HIPK3: variants seen among roughly 807,000 people sequenced by gnomAD.
The protein encoded by HIPK3 is homeodomain-interacting protein kinase 3.
Under a neutral mutation model 124.2 loss-of-function variants are expected in HIPK3, and 47 were observed. The observed-to-expected ratio is 0.38, with a 90% confidence interval of 0.30 to 0.48. HIPK3 has a LOEUF of 0.48. Among genes scored for constraint, HIPK3 ranks in the 20% least tolerant of loss-of-function variants. HIPK3 has a pLI of 0.98. For missense variants in HIPK3, 1,286 were observed against 1,454.3 expected (o/e 0.88, Z 1.88); for synonymous variants, 482 against 515.2 (o/e 0.94, Z 0.87).
intron 1 of HIPK3, chr11:33,258,479 G>A: frequency 1.0e-6 from 1 of 985,362 alleles, no homozygotes; most frequent in Non-Finnish European, 1.2e-6. Context: ...GCGTGTGTGT[G>A]ATTGTTGGGG....
Position 33,280,260 on chromosome 11 carries a change from G to T in HIPK3, c.-2-6153G>T, listed in dbSNP as rs76473870. ...TAATACAGCTGCAGAGGACAACACAGTATACATTGCAATGAAAAATAGGAA... is the reference window on the plus strand; with the variant it reads ...TAATACAGCTGCAGAGGACAACACATTATACATTGCAATGAAAAATAGGAA... On this transcript the variant is annotated intron_variant, in intron 1 of 16. Transcript: ENST00000303296. Among the ~76,000 whole-genome samples, 369 of 152,264 alleles carry T rather than the reference G, an allele frequency of 2.4e-3. 1 individual carries two copies. Among genetic ancestry groups the T allele is most frequent in the African/African-American group, 8.3e-3 (346 of 41,558 alleles).
At chr11:33,302,044 T>A (rs1464671237) in intron 2 of HIPK3, among the ~76,000 whole-genome samples, 1 of 152,116 alleles carries the variant, frequency 6.6e-6, no homozygotes, top group Non-Finnish European at 1.5e-5. Flanking sequence ...TACTACTACT[T>A]TACCATGTAC....
In HIPK3 at chr11:33,278,774, G is replaced by A. The variant is rs1851335148; in HGVS notation, c.-2-7639G>A. Among the ~76,000 whole-genome samples, 3 of 152,062 alleles carry A rather than the reference G, an allele frequency of 2.0e-5. No individual in the cohort carries two copies. In the South Asian group the frequency reaches 6.2e-4, roughly 32 times the overall value. On this transcript the variant is annotated intron_variant, in intron 1 of 16. Transcript: ENST00000303296. ...CAGGAGAATGGCGTGAACCCGGGAG[G>A]TGGAGCTTGCAGTGAGCAGAGATCG...
intron 1 of HIPK3, among the ~76,000 whole-genome samples, chr11:33,260,510 T>C (rs1459593107): frequency 6.6e-6 from 1 of 152,218 alleles, no homozygotes; most frequent in Non-Finnish European, 1.5e-5. Context: ...GTACGACTTA[T>C]CCTGGTAACT....
chr11:33,303,355 T>C (rs762102146), intron 2 of HIPK3, among the ~76,000 whole-genome samples: 12 of 152,334 alleles, frequency 7.9e-5, no homozygotes, highest in African/African-American at 2.6e-4. Context: ...TGTACAGATA[T>C]GATCGTCTGT....
chr11:33,351,783 G>T lies in HIPK3; in HGVS notation c.2983G>T (p.Val995Leu). The T allele has an allele frequency of 3.1e-6, 5 of 1,614,174 alleles. No homozygotes were observed. The highest frequency in any genetic ancestry group is 3.4e-6 in the Non-Finnish European group (4 of 1,180,012). The change falls in exon 15 of 17, where the codon GTG becomes TTG. Residue 995 changes from valine (V) to leucine (L), a missense_variant. Physicochemically the swap from Val to Leu is conservative, Grantham distance 32. Transcript: ENST00000303296. ...AACCAAGCCAGCTGTCTGTTCTGTT[G>T]TGGTGCCACCAGTGGAACTAGAAAA... Reference protein sequence around the residue: ...TETKPAVCSVVVPPVELENGL... With the variant: ...TETKPAVCSVLVPPVELENGL...
chr11:33,283,372 AG>A (rs1851463607), intron 1 of HIPK3, among the ~76,000 whole-genome samples: 1 of 152,178 alleles, frequency 6.6e-6, no homozygotes, highest in Admixed American at 6.5e-5. Flanking sequence ...GGCCTGCCAA[AG>A]TGCTGGGATT....
chr11:33,257,342 C>T (rs1850691739), upstream of HIPK3: 2 of 984,262 alleles, frequency 2.0e-6, no homozygotes, highest in South Asian at 4.7e-5. Context: ...GTGGCCGAGG[C>T]CGACGAGCGC....
At chr11:33,341,423 G>A (rs1283708126) in intron 7 of HIPK3, 140 bp from the exon 8 acceptor site, 21 of 925,964 alleles carry the variant, frequency 2.3e-5, no homozygotes, top group East Asian at 1.1e-4. Flanking sequence ...TTTTAATTTC[G>A]GCAGCTTGTT....
chr11:33,292,488 G>C (rs1851723865), intron 2 of HIPK3, among the ~76,000 whole-genome samples: 1 of 152,118 alleles, frequency 6.6e-6, no homozygotes, highest in South Asian at 2.1e-4. Context: ...GGCAGGGAAG[G>C]CTTCTAGGGG....
Position 33,287,364 on chromosome 11 carries a change from G to A in HIPK3, c.950G>A (p.Gly317Asp), listed in dbSNP as rs766949315. 1.9e-6 allele frequency: 3 copies of A among 1,614,030 alleles called. No homozygotes were observed. The highest frequency in any genetic ancestry group is 1.7e-5 in the Admixed American group (1 of 59,984). Residue 317 changes from glycine to aspartate, a missense_variant, in exon 2 of 17, where the codon GGT (glycine) becomes GAT (aspartate). By Grantham distance (94) the Gly-to-Asp change is moderately conservative (BLOSUM62 -1). Transcript: ENST00000303296. Reference sequence around the variant, plus strand: ...GCACTGAAAAAATTGAAAAGTCTTGGTTTAATTCATGCTGATCTCAAGCCA... The same window carrying A: ...GCACTGAAAAAATTGAAAAGTCTTGATTTAATTCATGCTGATCTCAAGCCA... ...ATALKKLKSL[G>D]LIHADLKPEN... is the part of the protein sequence containing the mutation.
At chr11:33,317,274 A>AT (rs3028961) in intron 2 of HIPK3, among the ~76,000 whole-genome samples, 3,100 of 102,132 alleles carry the variant, frequency 0.03, 157 homozygotes, top group African/African-American at 0.032. Flanking sequence ...GCCTGGCCCT[A>AT]TTTTTTTTTT....
chr11:33,259,139 G>A (rs574440651), intron 1 of HIPK3, among the ~76,000 whole-genome samples: 1 of 152,292 alleles, frequency 6.6e-6, no homozygotes, highest in South Asian at 2.1e-4. Flanking sequence ...TGAAGTGGGA[G>A]TACTTATATT....
chr11:33,325,637 T>A (rs191220715), intron 2 of HIPK3, among the ~76,000 whole-genome samples: 33 of 152,348 alleles, frequency 2.2e-4, no homozygotes, highest in African/African-American at 7.0e-4. Flanking sequence ...CAGACCGTAC[T>A]CTGATACTTT....
chr11:33,352,389 C>CA, intron 16 of HIPK3, 124 bp downstream of exon 16: 1 of 995,932 alleles, frequency 1.0e-6, no homozygotes, highest in South Asian at 1.6e-5. Flanking sequence ...CTCATTATCC[C>CA]AAGTGGCTAA....
intron 2 of HIPK3, among the ~76,000 whole-genome samples, chr11:33,322,124 C>T (rs559255730): frequency 0.01 from 1,576 of 152,194 alleles, 8 homozygotes; most frequent in Non-Finnish European, 0.015. Context: ...CTCAGCCTCC[C>T]GAGTAGCTGG....
In HIPK3 at chr11:33,341,031, T is replaced by C. The variant is rs777032747; in HGVS notation, c.1677T>C (p.Asn559=). 2 of 1,609,174 alleles carry C rather than the reference T, an allele frequency of 1.2e-6. No homozygotes were observed. Among genetic ancestry groups the C allele is most frequent in the Admixed American group, 3.3e-5 (2 of 59,894 alleles). Reference sequence around the variant, plus strand: ...CCCACCTAAATTCATGTGACACAAATAATCACAACAAAACTTCACTTTTAA... The same window carrying C: ...CCCACCTAAATTCATGTGACACAAACAATCACAACAAAACTTCACTTTTAA... ...CKSHLNSCDT[N]NHNKTSLLRP... is the part of the protein sequence containing the mutation. The change falls in exon 7 of 17, where the codon AAT becomes AAC. Residue 559 remains asparagine, a synonymous_variant. Coordinates refer to ENST00000303296, the MANE Select transcript of HIPK3 (RefSeq NM_005734.5).
chr11:33,274,757 A>G (rs545872024), intron 1 of HIPK3, among the ~76,000 whole-genome samples: 1 of 152,220 alleles, frequency 6.6e-6, no homozygotes, highest in East Asian at 1.9e-4. Context: ...CTTGTTAAAG[A>G]TTTGTACTGG....
chr11:33,356,801 A>G lies in HIPK3; in HGVS notation c.*3233A>G, dbSNP rs189463875. 1 of 152,116 alleles carries G rather than the reference A, an allele frequency of 6.6e-6. No individual in the cohort carries two copies. The highest frequency in any genetic ancestry group is 1.5e-5 in the Non-Finnish European group (1 of 67,952). 9.4% of individuals were successfully genotyped at this position (152,116 alleles called of 1,614,324 possible). A position where few individuals can be genotyped will look rare whatever the true frequency, so the allele number is the denominator to read the frequency against. ...TTGCCATGTAGCAATTGCACTGTGC[A>G]ATATTACAATAAGGACTGGGAAAAT... On this transcript the variant is annotated 3_prime_UTR_variant, in exon 17 of 17. Transcript: ENST00000303296.
Sources: gnomAD v4.1 joint callset for allele counts (sites outside exome capture counted in the v4.1 genomes callset) on GRCh38, gnomAD v4.1.1 for gene constraint, MANE v1.5 for transcripts, NCBI Gene and HGNC (gene_info 2026-07-23, HGNC 2026-07-21) for gene names.